The following DNAJC1 variants were observed in gnomAD, a reference collection of about 807,000 sequenced individuals.
The protein encoded by DNAJC1 is dnaJ homolog subfamily C member 1.
DNAJC1 carries 58 observed loss-of-function variants against 76.6 expected under a neutral mutation model. The ratio of observed to expected loss-of-function variants is 0.76; its 90% CI spans 0.61 to 0.94. The LOEUF is 0.94. DNAJC1 is among the 40% of genes least tolerant of loss of function. The pLI, the probability that DNAJC1 is intolerant of heterozygous loss-of-function variation, is 0.00. For missense variants in DNAJC1, 689 were observed against 677.3 expected (o/e 1.02, Z -0.19); for synonymous variants, 258 against 267.9 (o/e 0.96, Z 0.36).
At chr10:21,987,647 T>A (rs1267748585) in intron 1 of DNAJC1, among the ~76,000 whole-genome samples, 1 of 152,228 alleles carries the variant, frequency 6.6e-6, no homozygotes, top group East Asian at 1.9e-4. Flanking sequence ...TTCCCATTTA[T>A]AACCTTCAAT....
intron 8 of DNAJC1, among the ~76,000 whole-genome samples, chr10:21,808,197 C>G (rs1386317058): frequency 1.3e-5 from 2 of 151,842 alleles, no homozygotes; most frequent in African/African-American, 2.4e-5. Context: ...ATTTTTGGAG[C>G]AAAAAAATTG....
chr10:21,883,231 CAG>C (rs1470658862), intron 7 of DNAJC1, among the ~76,000 whole-genome samples: 1 of 140,736 alleles, frequency 7.1e-6, no homozygotes, highest in Non-Finnish European at 1.5e-5. Context: ...GCCTGGGTGA[CAG>C]AGTGAGATTC....
At chr10:21,988,459 C>T (rs962971463) in intron 1 of DNAJC1, among the ~76,000 whole-genome samples, 1 of 151,994 alleles carries the variant, frequency 6.6e-6, no homozygotes, top group African/African-American at 2.4e-5. Flanking sequence ...TGAAAGGGCC[C>T]TTTATCTTCT....
At chr10:21,980,199 C>T (rs1330718251) in intron 1 of DNAJC1, among the ~76,000 whole-genome samples, 1 of 152,048 alleles carries the variant, frequency 6.6e-6, no homozygotes, top group African/African-American at 2.4e-5. Context: ...ACTATATACA[C>T]ATATACACAC....
chr10:21,866,339 T>C (rs1392766098), intron 8 of DNAJC1, among the ~76,000 whole-genome samples: 1 of 151,654 alleles, frequency 6.6e-6, no homozygotes, highest in Non-Finnish European at 1.5e-5. Context: ...AACAAAGATG[T>C]AACAAAATGG....
At chr10:21,880,512 T>C (rs917548763) in intron 8 of DNAJC1, among the ~76,000 whole-genome samples, 5 of 152,166 alleles carry the variant, frequency 3.3e-5, no homozygotes, top group Admixed American at 2.0e-4. Flanking sequence ...GCAGAATGGA[T>C]GTTGTGGTAT....
intron 9 of DNAJC1, among the ~76,000 whole-genome samples, chr10:21,787,340 A>AAGG (rs1203669060): frequency 6.6e-6 from 1 of 151,736 alleles, no homozygotes; most frequent in Admixed American, 6.6e-5. Flanking sequence ...AAAAAGAAAA[A>AAGG]AGGAGGAGGA....
chr10:21,795,386 G>A (rs954972181), intron 9 of DNAJC1, among the ~76,000 whole-genome samples: 23 of 152,200 alleles, frequency 1.5e-4, no homozygotes, highest in Admixed American at 4.6e-4. Flanking sequence ...GCAGCCATAT[G>A]TGAAAGACTA....
chr10:21,862,411 T>A (rs2131699839), intron 8 of DNAJC1, among the ~76,000 whole-genome samples: 1 of 150,928 alleles, frequency 6.6e-6, no homozygotes, highest in African/African-American at 2.4e-5. Flanking sequence ...TTCTGTAAAA[T>A]ACCATCTGTT....
In DNAJC1 at chr10:21,805,973, AACTCACATCT is replaced by A. The variant is rs773331590; in HGVS notation, c.1095_1098+6del. ...TCTCTATACAATGCAAATCTCAGTG[AACTCACATCT>A]GTCACAGATCGACCCAATTCGTGGG... On this transcript the variant is annotated splice_donor_variant and splice_donor_5th_base_variant and coding_sequence_variant and intron_variant, in exon 9 of 12. Coordinates refer to ENST00000376980, the MANE Select transcript of DNAJC1 (RefSeq NM_022365.4). LOFTEE classifies it high-confidence loss of function. The A allele has an allele frequency of 1.2e-6, 2 of 1,611,320 alleles. No individual in the cohort carries two copies. The highest frequency in any genetic ancestry group is 2.7e-5 in the African/African-American group (2 of 74,818).
chr10:21,890,421 CAAAAAAA>C (rs1007952107), intron 7 of DNAJC1, among the ~76,000 whole-genome samples: 4 of 52,686 alleles, frequency 7.6e-5, no homozygotes, highest in Non-Finnish European at 1.5e-4. Flanking sequence ...TCCCCCCCTA[CAAAAAAA>C]AAAAAAAAAA....
At chr10:21,932,782 A>G (rs1641808799) in intron 1 of DNAJC1, among the ~76,000 whole-genome samples, 1 of 152,172 alleles carries the variant, frequency 6.6e-6, no homozygotes, top group African/African-American at 2.4e-5. Flanking sequence ...AGGCAAATGT[A>G]TTTATTTGAT....
At chr10:21,795,004 T>C (rs1444698803) in intron 9 of DNAJC1, among the ~76,000 whole-genome samples, 2 of 152,158 alleles carry the variant, frequency 1.3e-5, no homozygotes, top group Admixed American at 6.5e-5. Flanking sequence ...TTCCTTTGAG[T>C]GTCATCTTGG....
intron 8 of DNAJC1, among the ~76,000 whole-genome samples, chr10:21,830,184 C>T (rs1835333047): frequency 6.6e-6 from 1 of 152,108 alleles, no homozygotes; most frequent in African/African-American, 2.4e-5. Context: ...ACATGATTTC[C>T]CTGTTTTGTC....
chr10:21,892,000 A>G (rs949390630), intron 7 of DNAJC1, among the ~76,000 whole-genome samples: 3 of 152,138 alleles, frequency 2.0e-5, no homozygotes, highest in Non-Finnish European at 4.4e-5. Flanking sequence ...AAAATACTCA[A>G]GACAATGATA....
chr10:21,783,386 T>C (rs1834559338), intron 9 of DNAJC1, among the ~76,000 whole-genome samples: 1 of 152,074 alleles, frequency 6.6e-6, no homozygotes, highest in Non-Finnish European at 1.5e-5. Context: ...AAACTACTGC[T>C]CAGCAAAATA....
At chr10:21,815,849 G>A (rs1410674236) in intron 8 of DNAJC1, among the ~76,000 whole-genome samples, 2 of 151,366 alleles carry the variant, frequency 1.3e-5, no homozygotes, top group Admixed American at 6.6e-5. Flanking sequence ...AGGTTCAAGC[G>A]ATTCTCCTGC....
At chr10:21,901,991 T>TA (rs1455739179) in intron 7 of DNAJC1, among the ~76,000 whole-genome samples, 1 of 152,220 alleles carries the variant, frequency 6.6e-6, no homozygotes, top group Non-Finnish European at 1.5e-5. Context: ...ATGTAACCAT[T>TA]AGAGACTATA....
chr10:21,851,635 T>A (rs180711664), intron 8 of DNAJC1, among the ~76,000 whole-genome samples: 1 of 152,218 alleles, frequency 6.6e-6, no homozygotes, highest in East Asian at 1.9e-4. Context: ...TCCAATCAGG[T>A]ATATACCCAA....
Sources: gnomAD v4.1 joint callset for allele counts (sites outside exome capture counted in the v4.1 genomes callset) on GRCh38, gnomAD v4.1.1 for gene constraint, MANE v1.5 for transcripts, NCBI Gene and HGNC (gene_info 2026-07-23, HGNC 2026-07-21) for gene names.